KAZN: variants seen among roughly 807,000 people sequenced by gnomAD.
KAZN encodes kazrin.
KAZN carries 40 observed loss-of-function variants against 87.4 expected under a neutral mutation model. That is an observed-to-expected ratio of 0.46 (90% CI 0.36 to 0.60). The LOEUF is 0.60. Among genes scored for constraint, KAZN ranks in the 20% least tolerant of loss-of-function variants. The pLI is 0.00. For synonymous variants in KAZN, 466 were observed against 458.3 expected, an observed-to-expected ratio of 1.02 and a Z score of -0.22; for missense variants, 898 against 1,073.9, an observed-to-expected ratio of 0.84 and a Z score of 2.29.
intron 2 of KAZN, among the ~76,000 whole-genome samples, chr1:14,402,042 A>G (rs1663453896): frequency 6.6e-6 from 1 of 151,980 alleles, no homozygotes; most frequent in Non-Finnish European, 1.5e-5. Context: ...TAAGAATCAA[A>G]AAGGCAAACA....
At chr1:14,882,015 T>C (rs1653391790) in intron 1 of KAZN, among the ~76,000 whole-genome samples, 1 of 152,074 alleles carries the variant, frequency 6.6e-6, no homozygotes, top group Non-Finnish European at 1.5e-5. Context: ...ACCTGTTGAG[T>C]CCTTAGGGCT....
chr1:14,414,270 G>A (rs1344418365), intron 2 of KAZN, among the ~76,000 whole-genome samples: 2 of 150,522 alleles, frequency 1.3e-5, no homozygotes, highest in African/African-American at 2.4e-5. Context: ...AAGAATATAC[G>A]GAAAAGACTC....
At chr1:14,700,485 T>A (rs919903669) in intron 1 of KAZN, among the ~76,000 whole-genome samples, 5 of 146,962 alleles carry the variant, frequency 3.4e-5, no homozygotes, top group South Asian at 2.1e-4. Context: ...AAAAAAAAAA[T>A]AGTCAGAGGC....
chr1:14,038,769 C>G (rs1641670986), intron 1 of KAZN, among the ~76,000 whole-genome samples: 7 of 152,150 alleles, frequency 4.6e-5, no homozygotes. Context: ...CAAAGCGAAG[C>G]ATGGAGTTGA....
At chr1:13,978,227 G>T (rs1638471159) in intron 1 of KAZN, among the ~76,000 whole-genome samples, 1 of 151,020 alleles carries the variant, frequency 6.6e-6, no homozygotes, top group Non-Finnish European at 1.5e-5. Flanking sequence ...GCAGTTGCTA[G>T]AAGACTAAAG....
intron 1 of KAZN, among the ~76,000 whole-genome samples, chr1:14,117,683 C>T (rs78240216): frequency 0.011 from 1,729 of 152,184 alleles, 25 homozygotes; most frequent in South Asian, 0.058. Context: ...CCCAGATCTG[C>T]CAGTTAGAGA....
chr1:13,909,900 T>A (rs1639587801), intron 1 of KAZN, among the ~76,000 whole-genome samples: 1 of 152,204 alleles, frequency 6.6e-6, no homozygotes, highest in Admixed American at 6.5e-5. Flanking sequence ...CTTCAAATGT[T>A]GAGGCTCATG....
At chr1:13,920,222 T>C (rs936251131) in intron 1 of KAZN, among the ~76,000 whole-genome samples, 1 of 130,616 alleles carries the variant, frequency 7.7e-6, no homozygotes, top group African/African-American at 3.1e-5. Flanking sequence ...TGCACTCCAG[T>C]GACACAGCGA....
intron 1 of KAZN, among the ~76,000 whole-genome samples, chr1:14,778,781 T>C (rs1012716294): frequency 5.9e-5 from 9 of 152,106 alleles, no homozygotes; most frequent in African/African-American, 2.2e-4. Context: ...AAAACAACCA[T>C]TTTTATTTGC....
At chr1:14,577,079 G>A (rs1198981655) in intron 2 of KAZN, among the ~76,000 whole-genome samples, 3 of 151,196 alleles carry the variant, frequency 2.0e-5, no homozygotes, top group Non-Finnish European at 4.4e-5. Flanking sequence ...AGAAACCAGC[G>A]TGTAATGGAT....
chr1:13,978,263 G>C (rs900865365), intron 1 of KAZN, among the ~76,000 whole-genome samples: 2 of 151,862 alleles, frequency 1.3e-5, no homozygotes, highest in African/African-American at 4.8e-5. Context: ...TTGGCAGTTA[G>C]CTAGAGCCTA....
intron 2 of KAZN, among the ~76,000 whole-genome samples, chr1:14,298,057 T>C (rs981500992): frequency 2.0e-5 from 3 of 152,184 alleles, no homozygotes; most frequent in South Asian, 4.1e-4. Flanking sequence ...AAACCCCATC[T>C]CTACAAAAAA....
upstream of KAZN, among the ~76,000 whole-genome samples, chr1:14,595,544 T>C (rs979681819): frequency 2.3e-4 from 35 of 151,416 alleles, no homozygotes; most frequent in African/African-American, 8.3e-4. Context: ...TAGAGGGGTG[T>C]GGAGGCCTGC....
rs528725200 is a variant in KAZN, at chr1:14,767,733, C to T, written c.226+168510C>T. Among the ~76,000 whole-genome samples the T allele has an allele frequency of 2.6e-4, 40 of 152,232 alleles. 1 individual carries two copies. The South Asian group carries it at 6.0e-3, about 23-fold the overall frequency. The stretch of plus-strand genomic sequence containing the variant: ...CAGACCTTTCTTAGTTTGGTCCCTG[C>T]GGCCTGCAGCCATGGGAGGGCTCAG... On this transcript the variant is annotated intron_variant, in intron 1 of 14. Transcript: ENST00000376030.
At chr1:14,976,677 A>G (rs1250140910) in intron 2 of KAZN, among the ~76,000 whole-genome samples, 4 of 152,166 alleles carry the variant, frequency 2.6e-5, no homozygotes, top group Non-Finnish European at 5.9e-5. Context: ...GCCCAACCAG[A>G]TGGGCATTGG....
chr1:14,643,010 C>T (rs1680522454), intron 1 of KAZN, among the ~76,000 whole-genome samples: 1 of 152,162 alleles, frequency 6.6e-6, no homozygotes, highest in African/African-American at 2.4e-5. Flanking sequence ...CAGCTGCATT[C>T]CCGGGTACAT....
At chr1:15,047,033 G>A (rs116262751) in intron 4 of KAZN, among the ~76,000 whole-genome samples, 93 of 152,264 alleles carry the variant, frequency 6.1e-4, no homozygotes, top group African/African-American at 1.2e-3. Context: ...GCCTGTTTCC[G>A]CTCTGGCCAA....
At chr1:14,222,884 A>G (rs1647137600) in intron 2 of KAZN, among the ~76,000 whole-genome samples, 1 of 152,212 alleles carries the variant, frequency 6.6e-6, no homozygotes, top group South Asian at 2.1e-4. Flanking sequence ...AGTATTTATC[A>G]TGCTCAAAGC....
intron 2 of KAZN, among the ~76,000 whole-genome samples, chr1:14,398,911 G>A (rs1317273345): frequency 6.6e-6 from 1 of 152,086 alleles, no homozygotes; most frequent in African/African-American, 2.4e-5. Context: ...ATTACTCGGG[G>A]GTTTTCTTTC....
Sources: gnomAD v4.1 joint callset for allele counts (sites outside exome capture counted in the v4.1 genomes callset) on GRCh38, gnomAD v4.1.1 for gene constraint, MANE v1.5 for transcripts, NCBI Gene and HGNC (gene_info 2026-07-23, HGNC 2026-07-21) for gene names.